SAG: variants seen among roughly 807,000 people sequenced by gnomAD.
SAG encodes S-antigen visual arrestin.
A neutral mutation model predicts 55.0 loss-of-function variants in SAG; 45 were observed. That is an observed-to-expected ratio of 0.82 (90% CI 0.64 to 1.05). SAG has a LOEUF of 1.05. SAG is among the 50% of genes least tolerant of loss of function. The pLI is 0.00. For synonymous variants in SAG, 189 were observed against 197.4 expected (o/e 0.96, Z 0.36); for missense variants, 455 against 512.1 (o/e 0.89, Z 1.08).
chr2:233,327,119 A>G lies in SAG; in HGVS notation c.436-2A>G, dbSNP rs779364622. 4.3e-6 allele frequency: 7 copies of G among 1,613,198 alleles called. No individual in the cohort carries two copies. In the Admixed American group the frequency reaches 8.3e-5, roughly 19 times the overall value. Reference sequence around the variant, plus strand: ...TGCCTGTCTGCTCTCTCTCCCCAACAGTCCTGTGGGGTTGACTTTGAGGTC... The same window carrying G: ...TGCCTGTCTGCTCTCTCTCCCCAACGGTCCTGTGGGGTTGACTTTGAGGTC... On this transcript the variant is annotated splice_acceptor_variant, in intron 6 of 15. Coordinates refer to ENST00000409110, the MANE Select transcript of SAG (RefSeq NM_000541.5). LOFTEE classifies it high-confidence loss of function.
At chr2:233,321,918 T>C (rs1463046060) in intron 5 of SAG, among the ~76,000 whole-genome samples, 1 of 151,742 alleles carries the variant, frequency 6.6e-6, no homozygotes, top group African/African-American at 2.4e-5. Context: ...TTAAAACGTG[T>C]GCTTCTCCGA....
chr2:233,334,848 CAGG>C, intron 10 of SAG, 111 bp from the exon 11 acceptor site: 2 of 1,280,476 alleles, frequency 1.6e-6, no homozygotes, highest in Non-Finnish European at 2.2e-6. Flanking sequence ...CCCACCTTCC[CAGG>C]AGGTCCATCA....
chr2:233,311,629 A>G (rs891566046), intron 2 of SAG, among the ~76,000 whole-genome samples: 1 of 152,148 alleles, frequency 6.6e-6, no homozygotes, highest in African/African-American at 2.4e-5. Context: ...GGCTGGCTAC[A>G]GTCTCACATC....
chr2:233,342,436 G>A (rs1482047671), intron 14 of SAG, 110 bp downstream of exon 14: 4 of 865,864 alleles, frequency 4.6e-6, no homozygotes, highest in Non-Finnish European at 7.6e-6. Flanking sequence ...GAGTGGCCAG[G>A]TGTAAGAGAT....
intron 5 of SAG, 50 bp from the exon 6 acceptor site, chr2:233,322,896 G>A: frequency 9.4e-7 from 1 of 1,068,604 alleles, no homozygotes; most frequent in Non-Finnish European, 1.4e-6. Flanking sequence ...ATTACTTAAT[G>A]GAACAGCCCC....
chr2:233,331,020 T>G (rs571859604), intron 9 of SAG, among the ~76,000 whole-genome samples: 136 of 152,190 alleles, frequency 8.9e-4, no homozygotes, highest in African/African-American at 3.2e-3. Context: ...AAGACCAGCC[T>G]GGGCAATATA....
intron 11 of SAG, 107 bp downstream of exon 11, chr2:233,335,206 G>A (rs889985676): frequency 3.6e-6 from 5 of 1,385,314 alleles, no homozygotes; most frequent in South Asian, 1.4e-5. Flanking sequence ...GTGCAGCATG[G>A]TGGTCTGGCG....
At chr2:233,331,930 T>TA in intron 10 of SAG, 1 of 568,676 alleles carries the variant, frequency 1.8e-6, no homozygotes, top group Non-Finnish European at 3.1e-6. Context: ...TTCTGAGGAT[T>TA]AATGCAAGCC....
chr2:233,346,178 A>AAAATAAAATG, intron 14 of SAG: 1 of 259,656 alleles, frequency 3.9e-6, no homozygotes, highest in South Asian at 1.7e-4. Flanking sequence ...AAAATAAAAT[A>AAAATAAAATG]TAAAATAAAT....
intron 11 of SAG, among the ~76,000 whole-genome samples, chr2:233,338,283 C>T (rs1050460241): frequency 1.3e-5 from 2 of 152,172 alleles, no homozygotes; most frequent in African/African-American, 4.8e-5. Flanking sequence ...GGGCCTGGCA[C>T]GTGGGAGATG....
intron 9 of SAG, 40 bp from the exon 10 acceptor site, chr2:233,331,600 G>A (rs1043370725): frequency 3.7e-6 from 5 of 1,346,730 alleles, no homozygotes; most frequent in East Asian, 2.3e-5. Context: ...CGTGTTGGGG[G>A]ACCAGTGCTG....
chr2:233,342,980 A>G, intron 14 of SAG: 1 of 151,278 alleles, frequency 6.6e-6, no homozygotes. Context: ...CTAGTCTTGA[A>G]CTCCTGAGCT....
chr2:233,328,434 G>T (rs1700641071), intron 7 of SAG, 44 bp from the exon 8 acceptor site: 1 of 1,596,928 alleles, frequency 6.3e-7, no homozygotes, highest in South Asian at 1.1e-5. Flanking sequence ...CCCTAAAGCG[G>T]CCTGGGTGCC....
intron 5 of SAG, 77 bp downstream of exon 5, chr2:233,320,900 G>A: frequency 8.0e-7 from 1 of 1,244,160 alleles, no homozygotes. Flanking sequence ...AAGGAAAGGG[G>A]ATAGAGGAAG....
At position 233,335,030 on chromosome 2, in the gene SAG, G is replaced by A. The variant is rs554322769; in HGVS notation, c.875G>A (p.Arg292Gln). 106 of 1,613,968 alleles carry A rather than the reference G, an allele frequency of 6.6e-5. 1 individual carries two copies. In the South Asian group the frequency reaches 9.1e-4, roughly 14 times the overall value. The change falls in exon 11 of 16, where the codon CGA becomes CAA. Residue 292 changes from arginine (R) to glutamine (Q), a missense_variant. Physicochemically the swap from Arg to Gln is conservative, Grantham distance 43. Transcript: ENST00000409110. ...CTGCTGCCCTTGCTGGCTAACAATC[G>A]AGAAAGGAGAGGCATTGCCCTGGAT... Reference protein sequence around the residue: ...LTLLPLLANNRERRGIALDGK... With the variant: ...LTLLPLLANNQERRGIALDGK...
In SAG at chr2:233,340,588, C is replaced by T. The variant is rs1701067822; in HGVS notation, c.1046+110C>T. 1 of 843,866 alleles carries T rather than the reference C, an allele frequency of 1.2e-6. No homozygotes were observed. Among genetic ancestry groups the T allele is most frequent in the Non-Finnish European group, 2.0e-6 (1 of 507,294 alleles). 52.3% of individuals were successfully genotyped at this position (843,866 alleles called of 1,614,324 possible). Reference sequence around the variant, plus strand: ...AAGCTGCTTTCTGGACAGTTGTGCTCAGAGGTGTTAGGAATGATGCTTTGC... The same window carrying T: ...AAGCTGCTTTCTGGACAGTTGTGCTTAGAGGTGTTAGGAATGATGCTTTGC... On this transcript the variant is annotated intron_variant, in intron 13 of 15. Coordinates refer to ENST00000409110, the MANE Select transcript of SAG (RefSeq NM_000541.5). The surrounding 1 kb of genome is among the most constrained non-coding windows in gnomAD (Gnocchi z 4.2).
chr2:233,327,089 A>C (rs931780244), intron 6 of SAG, 32 bp from the exon 7 acceptor site: 4 of 1,590,750 alleles, frequency 2.5e-6, no homozygotes, highest in African/African-American at 1.3e-5. Flanking sequence ...GGAGTCGCTG[A>C]TCGCTGCCTG....
At chr2:233,320,537 A>C (rs557594581) in intron 4 of SAG, 93 bp from the exon 5 acceptor site, 1 of 965,040 alleles carries the variant, frequency 1.0e-6, no homozygotes, top group South Asian at 1.7e-5. Flanking sequence ...CAGATGCTAA[A>C]GGTTGAAAAC....
At chr2:233,314,145 C>T (rs1251423404) in intron 2 of SAG, among the ~76,000 whole-genome samples, 2 of 151,544 alleles carry the variant, frequency 1.3e-5, no homozygotes, top group Non-Finnish European at 2.9e-5. Context: ...TCACTTGATC[C>T]TGGGAAGCAG....
Sources: allele counts gnomAD v4.1 joint callset (sites outside exome capture counted in the v4.1 genomes callset), GRCh38; gene constraint gnomAD v4.1.1; non-coding constraint Gnocchi (gnomAD v3.1); transcripts MANE v1.5; gene names NCBI Gene and HGNC (gene_info 2026-07-23, HGNC 2026-07-21).